The following SLC35F1 variants were observed in gnomAD, a reference collection of about 807,000 sequenced individuals.
SLC35F1 encodes the protein chromosome 6 open reading frame 169.
Under a neutral mutation model 48.7 loss-of-function variants are expected in SLC35F1, and 14 were observed. The ratio of observed to expected loss-of-function variants is 0.29; its 90% CI spans 0.19 to 0.45. The LOEUF is 0.45. SLC35F1 is among the 20% of genes least tolerant of loss of function. SLC35F1 has a pLI of 1.00. For synonymous variants in SLC35F1, 190 were observed against 202.2 expected (o/e 0.94, Z 0.51); for missense variants, 404 against 500.0 (o/e 0.81, Z 1.83).
chr6:118,078,415 G>A (rs1299894467), intron 1 of SLC35F1, among the ~76,000 whole-genome samples: 1 of 152,122 alleles, frequency 6.6e-6, no homozygotes, highest in Non-Finnish European at 1.5e-5. Flanking sequence ...ACACACATGG[G>A]AAATGATGAA....
chr6:117,907,458 G>C lies in SLC35F1; in HGVS notation c.-269G>C. The C allele has an allele frequency of 4.1e-6, 1 of 244,426 alleles. No homozygotes were observed. Among genetic ancestry groups the C allele is most frequent in the Non-Finnish European group, 7.7e-6 (1 of 130,054 alleles). 15.1% of individuals were successfully genotyped at this position (244,426 alleles called of 1,614,324 possible). The stretch of plus-strand genomic sequence containing the variant: ...CTTCGCGGGGCGGGCCAGGACTTGG[G>C]GACGCGGCTCGGGAAGAGCCGGGGC... On this transcript the variant is annotated 5_prime_UTR_variant, in exon 1 of 8. Coordinates refer to ENST00000360388, the MANE Select transcript of SLC35F1 (RefSeq NM_001029858.4).
chr6:118,013,153 G>T (rs1777273931), intron 1 of SLC35F1, among the ~76,000 whole-genome samples: 1 of 152,242 alleles, frequency 6.6e-6, no homozygotes, highest in Non-Finnish European at 1.5e-5. Context: ...CGTGATTGTG[G>T]GGACATCATC....
At position 118,236,008 on chromosome 6, in the gene SLC35F1, AAAC is replaced by A. The variant is rs574974145; in HGVS notation, c.477+375_477+377del. On this transcript the variant is annotated intron_variant, in intron 3 of 7. Transcript: ENST00000360388. ...GCAGGAGAATTATTAATAAATATAA[AAAC>A]AAATCAATTTTAATCACAACTTATA... 3.2e-3 allele frequency among the ~76,000 whole-genome samples: 485 copies of A among 152,314 alleles called. 3 individuals carry two copies. Among genetic ancestry groups the A allele is most frequent in the African/African-American group, 0.011 (464 of 41,570 alleles).
In SLC35F1 at chr6:118,316,926, A is replaced by G. The variant is rs1304336536; in HGVS notation, c.*2674A>G. On this transcript the variant is annotated 3_prime_UTR_variant, in exon 8 of 8. Coordinates refer to ENST00000360388, the MANE Select transcript of SLC35F1 (RefSeq NM_001029858.4). ...AGACTGACCCTCCAGGAAAAAAAAA[A>G]TCGCAAAGAACAAATTCTTTTTCTG... 6.6e-6 allele frequency: 1 copy of G among 152,546 alleles called. No homozygotes were observed. The highest frequency in any genetic ancestry group is 1.5e-5 in the Non-Finnish European group (1 of 68,014). 9.4% of individuals were successfully genotyped at this position (152,546 alleles called of 1,614,324 possible).
At chr6:118,123,382 G>T (rs1021265385) in intron 1 of SLC35F1, among the ~76,000 whole-genome samples, 8 of 151,562 alleles carry the variant, frequency 5.3e-5, no homozygotes, top group African/African-American at 1.9e-4. Context: ...TAATACATTT[G>T]GTAGATGTTA....
intron 7 of SLC35F1, among the ~76,000 whole-genome samples, chr6:118,291,314 G>A (rs902286246): frequency 1.9e-4 from 29 of 150,328 alleles, no homozygotes; most frequent in Non-Finnish European, 3.7e-4. Context: ...AAAGCTGTGT[G>A]TATATATATA....
At chr6:118,201,053 A>C (rs961873132) in intron 2 of SLC35F1, among the ~76,000 whole-genome samples, 1 of 152,140 alleles carries the variant, frequency 6.6e-6, no homozygotes. Flanking sequence ...CTGGGACTAC[A>C]GGTGCATGCC....
intron 1 of SLC35F1, among the ~76,000 whole-genome samples, chr6:118,072,563 CA>C (rs1188536040): frequency 6.7e-6 from 1 of 150,024 alleles, no homozygotes; most frequent in Non-Finnish European, 1.5e-5. Flanking sequence ...GATTCTGCCT[CA>C]AAAAAAGAAA....
At chr6:118,206,790 A>G (rs1366848507) in intron 2 of SLC35F1, among the ~76,000 whole-genome samples, 1 of 152,180 alleles carries the variant, frequency 6.6e-6, no homozygotes, top group Non-Finnish European at 1.5e-5. Flanking sequence ...CAAGAGACAA[A>G]TTGAACTAGC....
At chr6:118,284,122 T>C (rs922474081) in intron 6 of SLC35F1, among the ~76,000 whole-genome samples, 4 of 152,200 alleles carry the variant, frequency 2.6e-5, no homozygotes, top group African/African-American at 9.6e-5. Context: ...TTTGGATGAA[T>C]CCCTGGTCTT....
intron 1 of SLC35F1, among the ~76,000 whole-genome samples, chr6:118,098,460 G>T (rs891815421): frequency 5.3e-5 from 8 of 152,152 alleles, no homozygotes; most frequent in African/African-American, 1.9e-4. Context: ...CTGTTTCTAA[G>T]TCTCATGCAT....
At chr6:117,992,535 A>G (rs1451924244) in intron 1 of SLC35F1, among the ~76,000 whole-genome samples, 1 of 152,160 alleles carries the variant, frequency 6.6e-6, no homozygotes, top group Non-Finnish European at 1.5e-5. Context: ...CTAAGCAGGT[A>G]TGAAGATCTT....
intron 1 of SLC35F1, among the ~76,000 whole-genome samples, chr6:117,972,446 C>G (rs562282029): frequency 1.3e-5 from 2 of 152,208 alleles, no homozygotes; most frequent in African/African-American, 2.4e-5. Flanking sequence ...TGCCCCCACT[C>G]TGCAGTACCA....
chr6:117,948,529 C>T (rs1290145020), intron 1 of SLC35F1, among the ~76,000 whole-genome samples: 1 of 152,092 alleles, frequency 6.6e-6, no homozygotes, highest in Non-Finnish European at 1.5e-5. Context: ...GTCATCATAG[C>T]CCTTATTCAT....
At chr6:118,195,455 A>G (rs111337288) in intron 2 of SLC35F1, among the ~76,000 whole-genome samples, 2,558 of 152,194 alleles carry the variant, frequency 0.017, 61 homozygotes, top group African/African-American at 0.059. Context: ...TCCCATTTTT[A>G]CCTAAAGTAT....
chr6:118,244,083 C>T (rs1424853555), intron 3 of SLC35F1, among the ~76,000 whole-genome samples: 1 of 152,196 alleles, frequency 6.6e-6, no homozygotes, highest in Non-Finnish European at 1.5e-5. Context: ...TTCTGTCAGG[C>T]TTTTGTCCTG....
intron 1 of SLC35F1, among the ~76,000 whole-genome samples, chr6:117,928,733 G>A (rs551888816): frequency 1.3e-5 from 2 of 152,036 alleles, no homozygotes; most frequent in Admixed American, 1.3e-4. Flanking sequence ...TTGCTTTTTG[G>A]AGAGCAGTTG....
intron 1 of SLC35F1, among the ~76,000 whole-genome samples, chr6:118,003,422 C>T (rs1188598004): frequency 6.6e-6 from 1 of 152,190 alleles, no homozygotes; most frequent in Non-Finnish European, 1.5e-5. Flanking sequence ...GGTCCTGGTT[C>T]CCATGGCAAC....
chr6:118,090,953 G>C (rs9387553), intron 1 of SLC35F1, among the ~76,000 whole-genome samples: 30,386 of 152,004 alleles, frequency 0.2, 3,793 homozygotes, highest in East Asian at 0.4. Context: ...GATGTGGCTA[G>C]AAGTGGAATA....
Sources: allele counts gnomAD v4.1 joint callset (sites outside exome capture counted in the v4.1 genomes callset), GRCh38; gene constraint gnomAD v4.1.1; transcripts MANE v1.5; gene names NCBI Gene and HGNC (gene_info 2026-07-23, HGNC 2026-07-21).